The following CALN1 variants were observed in gnomAD, a reference collection of about 807,000 sequenced individuals.
The protein encoded by CALN1 is calcium-binding protein 8.
A neutral mutation model predicts 30.6 loss-of-function variants in CALN1; 17 were observed. The ratio of observed to expected loss-of-function variants is 0.56; its 90% CI spans 0.38 to 0.83. CALN1 has a LOEUF of 0.83. CALN1 is among the 40% of genes least tolerant of loss of function. The pLI is 0.00. For missense variants in CALN1, 291 were observed against 354.9 expected, an observed-to-expected ratio of 0.82 and a Z score of 1.45; for synonymous variants, 156 against 131.4, an observed-to-expected ratio of 1.19 and a Z score of -1.28.
At chr7:72,334,473 T>G (rs558620373) in intron 2 of CALN1, among the ~76,000 whole-genome samples, 187 of 152,190 alleles carry the variant, frequency 1.2e-3, no homozygotes, top group Non-Finnish European at 2.1e-3. Context: ...ACTGGAGAGA[T>G]AAATGTAAAA....
chr7:72,143,521 G>C (rs1366054562), intron 3 of CALN1, among the ~76,000 whole-genome samples: 1 of 152,132 alleles, frequency 6.6e-6, no homozygotes, highest in East Asian at 1.9e-4. Context: ...AAAGTGACGG[G>C]GAGAATGGAA....
At chr7:72,080,107 C>G (rs1453056977) in intron 4 of CALN1, among the ~76,000 whole-genome samples, 1 of 152,152 alleles carries the variant, frequency 6.6e-6, no homozygotes, top group Non-Finnish European at 1.5e-5. Context: ...GGTGAAAAAC[C>G]CCACCTTCAG....
At chr7:72,468,437 C>T in the CALN1 span, among the ~76,000 whole-genome samples, 1 of 152,212 alleles carries the variant, frequency 6.6e-6, no homozygotes, top group South Asian at 2.1e-4. Flanking sequence ...CATCAGCCTA[C>T]TGAGTAGGCG....
At chr7:71,792,192 T>C (rs1384646866) in intron 6 of CALN1, among the ~76,000 whole-genome samples, 5 of 152,172 alleles carry the variant, frequency 3.3e-5, no homozygotes, top group Non-Finnish European at 5.9e-5. Flanking sequence ...TGTATATTTA[T>C]TTACTCTTGC....
chr7:71,989,393 C>T (rs918510480), intron 5 of CALN1, among the ~76,000 whole-genome samples: 3 of 150,486 alleles, frequency 2.0e-5, no homozygotes, highest in Non-Finnish European at 2.9e-5. Context: ...GAGCAGAGGT[C>T]GCATCACTGT....
intron 5 of CALN1, among the ~76,000 whole-genome samples, chr7:71,902,584 T>C (rs1793918351): frequency 6.6e-6 from 1 of 152,178 alleles, no homozygotes; most frequent in Non-Finnish European, 1.5e-5. Flanking sequence ...TATGGAGATT[T>C]ATCAAATAAC....
chr7:72,105,794 G>GGAGA (rs139352361), intron 4 of CALN1, among the ~76,000 whole-genome samples: 8 of 100,032 alleles, frequency 8.0e-5, no homozygotes, highest in South Asian at 5.0e-4. Flanking sequence ...GAGGGGGGAG[G>GGAGA]GAGGGAGGGA....
chr7:72,345,511 GGGAGGAAGGAAA>G (rs1413009399), intron 2 of CALN1, among the ~76,000 whole-genome samples: 6 of 147,108 alleles, frequency 4.1e-5, no homozygotes, highest in Admixed American at 1.4e-4. Context: ...GAGGAAGGGA[GGGAGGAAGGAAA>G]TGAGGAAGGG....
At chr7:72,213,106 C>T (rs896957394) in intron 3 of CALN1, among the ~76,000 whole-genome samples, 4 of 152,220 alleles carry the variant, frequency 2.6e-5, no homozygotes, top group African/African-American at 9.6e-5. Context: ...GACGTGGGTC[C>T]GTTCTGGCAG....
At chr7:72,257,927 G>A (rs1353079733) in intron 3 of CALN1, among the ~76,000 whole-genome samples, 1 of 152,080 alleles carries the variant, frequency 6.6e-6, no homozygotes, top group African/African-American at 2.4e-5. Context: ...GGATGCAAAT[G>A]CTTAAGAATG....
At chr7:72,497,798 T>C in the CALN1 span, among the ~76,000 whole-genome samples, 1 of 152,084 alleles carries the variant, frequency 6.6e-6, no homozygotes, top group African/African-American at 2.4e-5. Flanking sequence ...AGTAACAAAA[T>C]GTGACGACTA....
chr7:71,822,100 TA>T (rs1309271064), intron 5 of CALN1, among the ~76,000 whole-genome samples: 2 of 152,166 alleles, frequency 1.3e-5, no homozygotes, highest in Non-Finnish European at 1.5e-5. Context: ...TTTAATGTTA[TA>T]TTTTAGAGAT....
chr7:72,255,388 T>A (rs1795842453), intron 3 of CALN1, among the ~76,000 whole-genome samples: 1 of 126,824 alleles, frequency 7.9e-6, no homozygotes, highest in African/African-American at 2.6e-5. Context: ...ACACCCAGCC[T>A]TTTTTCTTTT....
At chr7:71,963,547 C>T (rs190006445) in intron 5 of CALN1, among the ~76,000 whole-genome samples, 44 of 152,180 alleles carry the variant, frequency 2.9e-4, no homozygotes, top group African/African-American at 1.0e-3. Flanking sequence ...TCAAATGATC[C>T]GCCCACCTTG....
At chr7:71,787,985 T>C (rs765966817) in intron 6 of CALN1, 83 bp from the exon 7 acceptor site, 3 of 1,581,228 alleles carry the variant, frequency 1.9e-6, no homozygotes, top group Non-Finnish European at 2.6e-6. Context: ...GTGAGATAGG[T>C]TGCAACTCTT....
intron 2 of CALN1, among the ~76,000 whole-genome samples, chr7:72,371,679 G>A (rs1200481448): frequency 6.6e-6 from 1 of 152,152 alleles, no homozygotes; most frequent in Non-Finnish European, 1.5e-5. Flanking sequence ...ATGTATGTAT[G>A]CATGTATGTG....
chr7:71,894,710 AAAAG>A (rs1344684870), intron 5 of CALN1, among the ~76,000 whole-genome samples: 1 of 152,256 alleles, frequency 6.6e-6, no homozygotes, highest in Non-Finnish European at 1.5e-5. Context: ...TGAAGGAAAT[AAAAG>A]AAAAACCCGT....
chr7:72,126,654 T>C (rs1808786173), intron 3 of CALN1, among the ~76,000 whole-genome samples: 1 of 152,122 alleles, frequency 6.6e-6, no homozygotes, highest in South Asian at 2.1e-4. Context: ...ATATCATGTT[T>C]ATGCCTTTGC....
At chr7:72,415,235 T>C (rs553806893), upstream of CALN1, among the ~76,000 whole-genome samples, 27 of 152,348 alleles carry the variant, frequency 1.8e-4, no homozygotes, top group Middle Eastern at 3.4e-3. Context: ...GGTACCTAGA[T>C]CTTTCTCCCT....
Sources: allele counts gnomAD v4.1 joint callset (sites outside exome capture counted in the v4.1 genomes callset), GRCh38; gene constraint gnomAD v4.1.1; transcripts MANE v1.5; gene names NCBI Gene and HGNC (gene_info 2026-07-23, HGNC 2026-07-21).